RIN3: variants seen among roughly 807,000 people sequenced by gnomAD.
The protein encoded by RIN3 is Ras and Rab interactor 3.
A neutral mutation model predicts 76.3 loss-of-function variants in RIN3; 54 were observed. The observed-to-expected ratio is 0.71, with a 90% CI of 0.57 to 0.89. RIN3 has a LOEUF of 0.89. Among genes scored for constraint, RIN3 ranks in the 40% least tolerant of loss-of-function variants. The pLI is 0.00. For missense variants in RIN3, 1,256 were observed against 1,322.1 expected (o/e 0.95, Z 0.78); for synonymous variants, 576 against 564.0 (o/e 1.02, Z -0.30).
intron 1 of RIN3, among the ~76,000 whole-genome samples, chr14:92,554,746 C>A (rs768792469): frequency 6.6e-6 from 1 of 152,066 alleles, no homozygotes; most frequent in Non-Finnish European, 1.5e-5. Context: ...CATGGTGAAA[C>A]CCTGTCTCTA....
chr14:92,655,800 C>T (rs988717559), intron 6 of RIN3, among the ~76,000 whole-genome samples: 2 of 152,152 alleles, frequency 1.3e-5, no homozygotes, highest in Non-Finnish European at 2.9e-5. Context: ...AGGATGTGGA[C>T]GAGCATTGGC....
chr14:92,526,071 G>A lies in RIN3; in HGVS notation c.44+12095G>A, dbSNP rs547585772. 2.6e-5 allele frequency among the ~76,000 whole-genome samples: 4 copies of A among 152,134 alleles called. No individual in the cohort carries two copies. The South Asian group carries it at 6.2e-4, about 24-fold the overall frequency. ...GCCTGTCATTGACAATCTTCTGGAC[G>A]GACAGGAGAGGTGACCAGATAGCAG... On this transcript the variant is annotated intron_variant, in intron 1 of 9. Coordinates refer to ENST00000216487, the MANE Select transcript of RIN3 (RefSeq NM_024832.5).
chr14:92,561,546 G>A (rs185872181), intron 2 of RIN3, among the ~76,000 whole-genome samples: 94 of 151,930 alleles, frequency 6.2e-4, no homozygotes, highest in African/African-American at 8.9e-4. Context: ...TTTCAAAGAC[G>A]GTACAGGGAG....
At chr14:92,581,825 A>G (rs904596231) in intron 3 of RIN3, among the ~76,000 whole-genome samples, 1 of 152,234 alleles carries the variant, frequency 6.6e-6, no homozygotes, top group Non-Finnish European at 1.5e-5. Flanking sequence ...AACTGGGCTC[A>G]ACTCCAAATA....
At chr14:92,581,923 AG>A (rs767728569) in intron 3 of RIN3, among the ~76,000 whole-genome samples, 10 of 152,182 alleles carry the variant, frequency 6.6e-5, no homozygotes, top group African/African-American at 9.7e-5. Context: ...AGGGGCAGGG[AG>A]GATTCTGGCG....
chr14:92,637,447 C>T (rs542180086), intron 4 of RIN3, among the ~76,000 whole-genome samples: 10 of 152,302 alleles, frequency 6.6e-5, no homozygotes, highest in South Asian at 2.1e-4. Context: ...TTTGCTCACT[C>T]GCCCGCTGCT....
At chr14:92,633,717 A>T (rs1241952712) in intron 4 of RIN3, among the ~76,000 whole-genome samples, 1 of 152,208 alleles carries the variant, frequency 6.6e-6, no homozygotes, top group Admixed American at 6.5e-5. Context: ...AGTGTTGGAA[A>T]ACACTTCAGA....
chr14:92,608,018 G>A (rs1034587315), intron 3 of RIN3, among the ~76,000 whole-genome samples: 3 of 152,238 alleles, frequency 2.0e-5, no homozygotes, highest in African/African-American at 7.2e-5. Context: ...GTGATGGGGA[G>A]GGGGTAGATG....
intron 4 of RIN3, among the ~76,000 whole-genome samples, chr14:92,637,644 A>AG (rs1886822538): frequency 1.3e-5 from 2 of 152,320 alleles, no homozygotes; most frequent in South Asian, 4.2e-4. Context: ...ATTAAAAAAA[A>AG]TCCAACATTT....
At chr14:92,679,689 C>A (rs1221395309) in intron 8 of RIN3, among the ~76,000 whole-genome samples, 1 of 152,104 alleles carries the variant, frequency 6.6e-6, no homozygotes, top group Non-Finnish European at 1.5e-5. Context: ...CTCTGTGGTG[C>A]AGGTGGGGAG....
At chr14:92,569,654 A>C (rs1898011829) in intron 2 of RIN3, among the ~76,000 whole-genome samples, 1 of 152,034 alleles carries the variant, frequency 6.6e-6, no homozygotes, top group Non-Finnish European at 1.5e-5. Flanking sequence ...AAAGTGAGAA[A>C]ACCTAGAAAT....
At chr14:92,522,318 T>C (rs952677161) in intron 1 of RIN3, among the ~76,000 whole-genome samples, 1 of 148,356 alleles carries the variant, frequency 6.7e-6, no homozygotes, top group African/African-American at 2.6e-5. Flanking sequence ...TGTATGTATG[T>C]GGTGTGTGTG....
chr14:92,661,005 G>A (rs1887862490), intron 7 of RIN3, among the ~76,000 whole-genome samples: 3 of 152,190 alleles, frequency 2.0e-5, no homozygotes, highest in Admixed American at 1.3e-4. Context: ...CTCCTGGTCT[G>A]TCACTTACTA....
intron 3 of RIN3, among the ~76,000 whole-genome samples, chr14:92,611,043 C>A (rs35031524): frequency 0.5 from 76,150 of 151,946 alleles, 19,932 homozygotes; most frequent in Admixed American, 0.61. Flanking sequence ...AAACTAGGAG[C>A]CTTAGAGCAA....
intron 1 of RIN3, among the ~76,000 whole-genome samples, chr14:92,549,997 G>C (rs1897379997): frequency 6.6e-6 from 1 of 152,228 alleles, no homozygotes; most frequent in Admixed American, 6.5e-5. Flanking sequence ...GTGGGTGTCA[G>C]AGTGGCCGGC....
At chr14:92,563,513 CTCTAT>C (rs1381042190) in intron 2 of RIN3, among the ~76,000 whole-genome samples, 3 of 152,124 alleles carry the variant, frequency 2.0e-5, no homozygotes, top group African/African-American at 7.2e-5. Context: ...GGGGTGTGAT[CTCTAT>C]TCTATAAGGG....
At chr14:92,609,392 C>T (rs1166806022) in intron 3 of RIN3, among the ~76,000 whole-genome samples, 2 of 152,164 alleles carry the variant, frequency 1.3e-5, no homozygotes, top group African/African-American at 4.8e-5. Flanking sequence ...GCATTGGGTT[C>T]GGCTGCCTGG....
At chr14:92,547,577 G>A (rs1897319404) in intron 1 of RIN3, among the ~76,000 whole-genome samples, 2 of 151,400 alleles carry the variant, frequency 1.3e-5, no homozygotes, top group African/African-American at 2.4e-5. Context: ...TTAATTTTTT[G>A]TAGAGATAGT....
intron 1 of RIN3, among the ~76,000 whole-genome samples, chr14:92,530,644 C>T (rs1044029675): frequency 6.6e-5 from 10 of 152,196 alleles, no homozygotes; most frequent in African/African-American, 2.2e-4. Flanking sequence ...GGCCACTTCT[C>T]GGTGGATTCA....
Sources: gnomAD v4.1 joint callset for allele counts (sites outside exome capture counted in the v4.1 genomes callset) on GRCh38, gnomAD v4.1.1 for gene constraint, MANE v1.5 for transcripts, NCBI Gene and HGNC (gene_info 2026-07-23, HGNC 2026-07-21) for gene names.